UBE2Q2: variants seen among roughly 807,000 people sequenced by gnomAD.
UBE2Q2 encodes ubiquitin-conjugating enzyme E2 Q2.
In UBE2Q2, 54 loss-of-function variants were observed where a neutral mutation model predicts 59.9. The ratio of observed to expected loss-of-function variants is 0.90; its 90% CI spans 0.72 to 1.13. The LOEUF (loss-of-function observed/expected upper bound fraction) is 1.13. UBE2Q2 is among the 50% of genes most tolerant of loss of function. The pLI is 0.00. For missense variants in UBE2Q2, 433 were observed against 441.9 expected, an observed-to-expected ratio of 0.98 and a Z score of 0.18; for synonymous variants, 165 against 155.2, an observed-to-expected ratio of 1.06 and a Z score of -0.47.
At chr15:75,844,482 G>A (rs1176087139) in intron 1 of UBE2Q2, 1 of 1,551,424 alleles carries the variant, frequency 6.4e-7, no homozygotes, top group Non-Finnish European at 8.7e-7. Flanking sequence ...CGTCGTTGCG[G>A]CAGGTGGTGT....
At chr15:75,844,467 A>G (rs952157451) in intron 1 of UBE2Q2, 5 of 1,551,516 alleles carry the variant, frequency 3.2e-6, no homozygotes, top group Non-Finnish European at 2.6e-6. Context: ...AAAGGAGCAT[A>G]GTACCGTCGT....
Position 75,899,713 on chromosome 15 carries a change from ATC to A in UBE2Q2, c.*259_*260del. The A allele has an allele frequency of 4.1e-6, 1 of 246,378 alleles. No individual in the cohort carries two copies. 15.3% of individuals were successfully genotyped at this position (246,378 alleles called of 1,614,324 possible). A position where few individuals can be genotyped will look rare whatever the true frequency, so the allele number is the denominator to read the frequency against. ...TAAATACACATACTGGCCACTCCTT[ATC>A]TCTTTTTCTTGAAAAGTGAACTTTT... On this transcript the variant is annotated 3_prime_UTR_variant, in exon 13 of 13. Transcript: ENST00000267938.
chr15:75,880,242 A>G (rs1258281459), intron 8 of UBE2Q2, among the ~76,000 whole-genome samples: 2 of 151,016 alleles, frequency 1.3e-5, no homozygotes, highest in Non-Finnish European at 2.9e-5. Flanking sequence ...CCTCCTGAGT[A>G]GCTGGGATTA....
chr15:75,899,336 T>C, intron 12 of UBE2Q2, 91 bp from the exon 13 acceptor site: 2 of 685,928 alleles, frequency 2.9e-6, no homozygotes, highest in South Asian at 5.3e-5. Flanking sequence ...ACCAAAATTA[T>C]GAAAAGAGAC....
Position 75,899,609 on chromosome 15 carries a change from T to C in UBE2Q2, c.*151T>C, listed in dbSNP as rs1899645553. The C allele has an allele frequency of 8.5e-6, 5 of 591,004 alleles. No homozygotes were observed. The highest frequency in any genetic ancestry group is 1.4e-5 in the Non-Finnish European group (5 of 355,824). 36.6% of individuals were successfully genotyped at this position (591,004 alleles called of 1,614,324 possible). On this transcript the variant is annotated 3_prime_UTR_variant, in exon 13 of 13. Transcript: ENST00000267938. ...GGATAATCTGTCATCTGACATCCAGTATAAGTTACAGCCTTTGCATTTTGC... is the reference window on the plus strand; with the variant it reads ...GGATAATCTGTCATCTGACATCCAGCATAAGTTACAGCCTTTGCATTTTGC...
chr15:75,866,500 C>T (rs889724759), intron 3 of UBE2Q2, among the ~76,000 whole-genome samples: 1 of 152,158 alleles, frequency 6.6e-6, no homozygotes. Context: ...GCTTTCAGAG[C>T]CACTTAATAT....
chr15:75,867,594 C>T (rs1897569844), intron 3 of UBE2Q2, among the ~76,000 whole-genome samples: 1 of 152,072 alleles, frequency 6.6e-6, no homozygotes, highest in African/African-American at 2.4e-5. Context: ...TAGGGTTTCC[C>T]ACGATTAACT....
intron 1 of UBE2Q2, chr15:75,844,556 G>C: frequency 6.7e-7 from 1 of 1,498,864 alleles, no homozygotes; most frequent in South Asian, 1.2e-5. Context: ...GGTGAAAGGA[G>C]ATACGCGCCA....
At chr15:75,879,711 C>T (rs1898292285) in intron 8 of UBE2Q2, among the ~76,000 whole-genome samples, 3 of 151,904 alleles carry the variant, frequency 2.0e-5, no homozygotes, top group Admixed American at 2.0e-4. Flanking sequence ...AACAGATATA[C>T]GATTTATCTA....
chr15:75,848,122 T>C (rs1301879787), intron 1 of UBE2Q2, among the ~76,000 whole-genome samples: 1 of 152,134 alleles, frequency 6.6e-6, no homozygotes, highest in African/African-American at 2.4e-5. Context: ...TAGATAATAT[T>C]TTTTTGCACT....
At chr15:75,859,856 T>C (rs758672992) in intron 2 of UBE2Q2, 22 bp from the exon 3 acceptor site, 43 of 1,549,810 alleles carry the variant, frequency 2.8e-5, no homozygotes, top group Non-Finnish European at 3.8e-5. Flanking sequence ...ATAATGCTTA[T>C]TTACTGAAAT....
intron 8 of UBE2Q2, among the ~76,000 whole-genome samples, chr15:75,879,746 G>A (rs1194809166): frequency 1.3e-5 from 2 of 151,468 alleles, no homozygotes; most frequent in Non-Finnish European, 2.9e-5. Flanking sequence ...CATGGAGCAG[G>A]GGGGTAAAAC....
chr15:75,844,140 A>C, intron 1 of UBE2Q2: 1 of 1,419,148 alleles, frequency 7.0e-7, no homozygotes, highest in Non-Finnish European at 9.2e-7. Flanking sequence ...GCGGCGGCCC[A>C]AGCCCTTGTG....
At chr15:75,883,458 T>C in intron 9 of UBE2Q2, 34 bp downstream of exon 9, 1 of 1,586,180 alleles carries the variant, frequency 6.3e-7, no homozygotes, top group Non-Finnish European at 8.6e-7. Context: ...AAGAAATTTT[T>C]TTCAGTTAAA....
intron 9 of UBE2Q2, among the ~76,000 whole-genome samples, chr15:75,883,969 A>G (rs1039547): frequency 0.94 from 143,135 of 152,278 alleles, 67,562 homozygotes; most frequent in East Asian, 1. Flanking sequence ...TGGTCCCCAC[A>G]TGCCTGTGAT....
chr15:75,886,792 CAGG>C (rs961953597), intron 9 of UBE2Q2, among the ~76,000 whole-genome samples: 2 of 151,394 alleles, frequency 1.3e-5, no homozygotes, highest in African/African-American at 4.9e-5. Context: ...GAAGCTGAGG[CAGG>C]AGAATCGCTT....
intron 3 of UBE2Q2, 44 bp downstream of exon 3, chr15:75,860,026 C>T (rs527727706): frequency 7.2e-7 from 1 of 1,393,476 alleles, no homozygotes; most frequent in East Asian, 2.4e-5. Context: ...AATAAATTGT[C>T]TCAAGCAAAA....
At position 75,899,556 on chromosome 15, in the gene UBE2Q2, G is replaced by T; in HGVS notation, c.*98G>T. The T allele has an allele frequency of 1.1e-6, 1 of 948,714 alleles. No individual in the cohort carries two copies. Among genetic ancestry groups the T allele is most frequent in the South Asian group, 1.5e-5 (1 of 67,774 alleles). 58.8% of individuals were successfully genotyped at this position (948,714 alleles called of 1,614,324 possible). A position where few individuals can be genotyped will look rare whatever the true frequency, so the allele number is the denominator to read the frequency against. On this transcript the variant is annotated 3_prime_UTR_variant, in exon 13 of 13. Transcript: ENST00000267938. ...TGAGTGCCCCTATTACAGCAGTACC[G>T]AAGATGTTAGTTAATAGATATTTTA...
chr15:75,844,189 C>CG, intron 1 of UBE2Q2: 2 of 1,405,200 alleles, frequency 1.4e-6, no homozygotes, highest in South Asian at 2.9e-5. Context: ...CTCCCGGGAC[C>CG]GGGGCGGGGC....
Sources: allele counts gnomAD v4.1 joint callset (sites outside exome capture counted in the v4.1 genomes callset), GRCh38; gene constraint gnomAD v4.1.1; transcripts MANE v1.5; gene names NCBI Gene and HGNC (gene_info 2026-07-23, HGNC 2026-07-21).